SPIRE1: variants seen among roughly 807,000 people sequenced by gnomAD.
SPIRE1 encodes protein spire homolog 1.
In SPIRE1, 40 loss-of-function variants were observed where a neutral mutation model predicts 94.1. The ratio of observed to expected loss-of-function variants is 0.43; its 90% CI spans 0.33 to 0.55. SPIRE1 has a LOEUF of 0.55. Among genes scored for constraint, SPIRE1 ranks in the 20% least tolerant of loss-of-function variants. The pLI is 0.06. For synonymous variants in SPIRE1, 376 were observed against 371.7 expected (o/e 1.01, Z -0.13); for missense variants, 838 against 975.2 (o/e 0.86, Z 1.87).
Position 12,546,760 on chromosome 18 carries a change from C to T in SPIRE1, c.517G>A (p.Gly173Ser), listed in dbSNP as rs1567923992. 3 of 1,614,040 alleles carry T rather than the reference C, an allele frequency of 1.9e-6. No individual in the cohort carries two copies. The highest frequency in any genetic ancestry group is 2.5e-6 in the Non-Finnish European group (3 of 1,180,002). ...AGGCCTTCTTCTGCAGCCTCATAGCCCTCATCATTGCTACCGTCAGCTTCC... is the reference window on the plus strand; with the variant it reads ...AGGCCTTCTTCTGCAGCCTCATAGCTCTCATCATTGCTACCGTCAGCTTCC... ...TVEADGSNDE[G>S]YEAAEEGLGD... is the part of the protein sequence containing the mutation. Residue 173 changes from glycine to serine, a missense_variant, in exon 3 of 17, where the codon GGC becomes AGC. Coordinates refer to ENST00000409402, the MANE Select transcript of SPIRE1 (RefSeq NM_001128626.2).
chr18:12,588,571 T>G (rs1200653688), intron 2 of SPIRE1, among the ~76,000 whole-genome samples: 1 of 150,114 alleles, frequency 6.7e-6, no homozygotes, highest in African/African-American at 2.5e-5. Context: ...CTGACTTCAC[T>G]TTCCAGTTCA....
At chr18:12,558,075 T>G (rs1264558259) in intron 2 of SPIRE1, among the ~76,000 whole-genome samples, 1 of 152,184 alleles carries the variant, frequency 6.6e-6, no homozygotes, top group African/African-American at 2.4e-5. Flanking sequence ...GAAACAAATG[T>G]GTCTGGAATT....
At chr18:12,463,776 T>C (rs191310046) in intron 11 of SPIRE1, among the ~76,000 whole-genome samples, 1 of 152,350 alleles carries the variant, frequency 6.6e-6, no homozygotes, top group East Asian at 1.9e-4. Context: ...ACCCTCTTTT[T>C]ACATTCTCCT....
chr18:12,577,573 A>G (rs2036142639), intron 2 of SPIRE1, among the ~76,000 whole-genome samples: 1 of 152,234 alleles, frequency 6.6e-6, no homozygotes, highest in Non-Finnish European at 1.5e-5. Flanking sequence ...AATGTTATCT[A>G]CATAGTCATT....
chr18:12,520,735 G>A (rs1385074420), intron 4 of SPIRE1, among the ~76,000 whole-genome samples: 1 of 152,132 alleles, frequency 6.6e-6, no homozygotes, highest in Non-Finnish European at 1.5e-5. Flanking sequence ...ACCTATTTTA[G>A]GTCTAGAAAG....
At chr18:12,532,955 C>T (rs957135118) in intron 4 of SPIRE1, among the ~76,000 whole-genome samples, 1 of 152,138 alleles carries the variant, frequency 6.6e-6, no homozygotes, top group Non-Finnish European at 1.5e-5. Flanking sequence ...TATTAGCAAA[C>T]CCACCTCAAT....
intron 2 of SPIRE1, among the ~76,000 whole-genome samples, chr18:12,585,227 T>C (rs2036363706): frequency 6.6e-6 from 1 of 152,176 alleles, no homozygotes; most frequent in African/African-American, 2.4e-5. Flanking sequence ...CATACACATA[T>C]ATGTTTGTGT....
chr18:12,549,774 C>T (rs188907263), intron 2 of SPIRE1, among the ~76,000 whole-genome samples: 93 of 151,836 alleles, frequency 6.1e-4, no homozygotes, highest in African/African-American at 2.1e-3. Context: ...CCTAGGGAGG[C>T]GGGAAAAACC....
chr18:12,546,964 G>C, intron 2 of SPIRE1, 60 bp from the exon 3 acceptor site: 1 of 1,160,770 alleles, frequency 8.6e-7, no homozygotes. Flanking sequence ...AGGACTAATT[G>C]TGAGGCATAA....
chr18:12,578,476 T>C (rs565313870), intron 2 of SPIRE1, among the ~76,000 whole-genome samples: 1 of 152,334 alleles, frequency 6.6e-6, no homozygotes, highest in South Asian at 2.1e-4. Flanking sequence ...TCAATTTATA[T>C]GAAGTTGGAG....
chr18:12,554,296 CAAAAAAAAAA>C (rs35637714), intron 2 of SPIRE1, among the ~76,000 whole-genome samples: 1 of 56,382 alleles, frequency 1.8e-5, no homozygotes, highest in South Asian at 6.0e-4. Flanking sequence ...AGACTCTGTT[CAAAAAAAAAA>C]AAAAAAAAAA....
chr18:12,651,050 ACTGTGTTT>A (rs969056808), intron 1 of SPIRE1, among the ~76,000 whole-genome samples: 2 of 152,180 alleles, frequency 1.3e-5, no homozygotes, highest in Non-Finnish European at 2.9e-5. Flanking sequence ...TAAATTCACC[ACTGTGTTT>A]CTGTTTTATT....
In SPIRE1 at chr18:12,559,360, C is replaced by T. The variant is rs886275005; in HGVS notation, c.373-12456G>A. On this transcript the variant is annotated intron_variant, in intron 2 of 16. Transcript: ENST00000409402. This position sits in a 1 kb window ranked among gnomAD's most constrained non-coding sequence, Gnocchi z 4.7. The stretch of plus-strand genomic sequence containing the variant: ...CTAAGCCTCTCATTGCCCGGGCCGG[C>T]GTCGCCAGCCGGCAGCTCTGAGTGC... Among the ~76,000 whole-genome samples the T allele has an allele frequency of 1.1e-4, 16 of 152,296 alleles. No homozygotes were observed. The highest frequency in any genetic ancestry group is 4.1e-4 in the South Asian group (2 of 4,828).
At chr18:12,553,717 A>G (rs931376822) in intron 2 of SPIRE1, among the ~76,000 whole-genome samples, 6 of 152,156 alleles carry the variant, frequency 3.9e-5, no homozygotes, top group Admixed American at 1.3e-4. Context: ...CATTAAAACA[A>G]ACAAACAAAC....
At chr18:12,600,102 C>CA (rs58628339) in intron 2 of SPIRE1, among the ~76,000 whole-genome samples, 13,292 of 118,314 alleles carry the variant, frequency 0.11, 859 homozygotes, top group Middle Eastern at 0.18. Context: ...CAATGGCCAG[C>CA]AAAAAAAAAA....
intron 2 of SPIRE1, among the ~76,000 whole-genome samples, chr18:12,555,947 T>C (rs1233691522): frequency 1.3e-5 from 2 of 152,186 alleles, no homozygotes; most frequent in African/African-American, 4.8e-5. Context: ...CCCGAAAATC[T>C]ATTAGAATTG....
chr18:12,506,224 C>G (rs2033826757), intron 6 of SPIRE1, among the ~76,000 whole-genome samples: 1 of 152,114 alleles, frequency 6.6e-6, no homozygotes, highest in Non-Finnish European at 1.5e-5. Flanking sequence ...GTGGCTCGAT[C>G]TTGGGTCACT....
At chr18:12,563,093 T>C (rs2035732007) in intron 2 of SPIRE1, among the ~76,000 whole-genome samples, 4 of 102,890 alleles carry the variant, frequency 3.9e-5, no homozygotes, top group Admixed American at 2.7e-4. Context: ...AGATTCACAG[T>C]TGAATGAATG....
chr18:12,550,585 C>A (rs2035319594), intron 2 of SPIRE1, among the ~76,000 whole-genome samples: 1 of 151,988 alleles, frequency 6.6e-6, no homozygotes, highest in South Asian at 2.1e-4. Context: ...TAGTTTTGAA[C>A]CCCTGGGCTC....
Sources: gnomAD v4.1 joint callset for allele counts (sites outside exome capture counted in the v4.1 genomes callset) on GRCh38, gnomAD v4.1.1 for gene constraint, Gnocchi (gnomAD v3.1) non-coding constraint, MANE v1.5 for transcripts, NCBI Gene and HGNC (gene_info 2026-07-23, HGNC 2026-07-21) for gene names.